Variants in SNX29 observed in about 807,000 individuals in gnomAD.
SNX29 encodes the protein sorting nexin 29.
Under a neutral mutation model 102.1 loss-of-function variants are expected in SNX29, and 78 were observed. The ratio of observed to expected loss-of-function variants is 0.76; its 90% CI spans 0.64 to 0.92. The LOEUF is 0.92. Ranked by LOEUF, SNX29 falls within the 40% of genes least tolerant of loss-of-function variation. The pLI is 0.00. For synonymous variants in SNX29, 580 were observed against 414.5 expected, an observed-to-expected ratio of 1.40 and a Z score of -4.85; for missense variants, 1,280 against 1,061.7, an observed-to-expected ratio of 1.21 and a Z score of -2.86.
intron 14 of SNX29, among the ~76,000 whole-genome samples, chr16:12,205,724 T>G (rs753604953): frequency 6.6e-6 from 1 of 152,350 alleles, no homozygotes; most frequent in African/African-American, 2.4e-5. Flanking sequence ...CGACTTTTCA[T>G]CACAGCACTT....
chr16:12,431,848 C>G (rs2085330005), intron 18 of SNX29, among the ~76,000 whole-genome samples: 1 of 152,286 alleles, frequency 6.6e-6, no homozygotes, highest in Middle Eastern at 3.4e-3. Context: ...AAGTCTTGTT[C>G]CTTCATTCAT....
chr16:12,427,760 C>G (rs2085140935), intron 18 of SNX29, among the ~76,000 whole-genome samples: 2 of 152,202 alleles, frequency 1.3e-5, no homozygotes, highest in African/African-American at 4.8e-5. Flanking sequence ...TCAGGATTCT[C>G]TATGTTGGCT....
At chr16:12,067,474 A>C (rs1390445615) in intron 9 of SNX29, among the ~76,000 whole-genome samples, 1 of 152,060 alleles carries the variant, frequency 6.6e-6, no homozygotes, top group Non-Finnish European at 1.5e-5. Flanking sequence ...GTGGTCATTC[A>C]CTAATAAGTT....
At chr16:12,552,529 T>A (rs147931474) in intron 20 of SNX29, among the ~76,000 whole-genome samples, 1 of 152,308 alleles carries the variant, frequency 6.6e-6, no homozygotes, top group Non-Finnish European at 1.5e-5. Flanking sequence ...GGCCTTCATT[T>A]CTCAGTGATG....
intron 19 of SNX29, among the ~76,000 whole-genome samples, chr16:12,496,707 C>G (rs958423971): frequency 6.6e-6 from 1 of 152,034 alleles, no homozygotes; most frequent in African/African-American, 2.4e-5. Flanking sequence ...GACAGGGTTT[C>G]ACCATGTTGG....
At chr16:12,541,336 A>G (rs2077329950) in intron 20 of SNX29, among the ~76,000 whole-genome samples, 1 of 152,138 alleles carries the variant, frequency 6.6e-6, no homozygotes, top group Non-Finnish European at 1.5e-5. Flanking sequence ...GAGTGCCAGA[A>G]TTACCTTCTT....
rs754960732 is a variant in SNX29 at position 12,571,150 on chromosome 16, C to T, written c.*2521C>T. ...CAATGATTGGGTCCATCTTGCTGCTCAGAAGAATCCCGTCCTGCTCTCTAG... is the reference window on the plus strand; with the variant it reads ...CAATGATTGGGTCCATCTTGCTGCTTAGAAGAATCCCGTCCTGCTCTCTAG... On this transcript the variant is annotated 3_prime_UTR_variant, in exon 21 of 21. Transcript: ENST00000566228. 54 of 230,758 alleles carry T rather than the reference C, an allele frequency of 2.3e-4. 1 individual carries two copies. The Admixed American group carries it at 2.9e-3, about 12-fold the overall frequency. 14.3% of individuals were successfully genotyped at this position (230,758 alleles called of 1,614,324 possible). A position where few individuals can be genotyped will look rare whatever the true frequency, so the allele number is the denominator to read the frequency against.
chr16:12,431,398 C>A (rs1310032511), intron 18 of SNX29, among the ~76,000 whole-genome samples: 1 of 148,500 alleles, frequency 6.7e-6, no homozygotes, highest in African/African-American at 2.5e-5. Flanking sequence ...TTTGCTTTTT[C>A]ATTTAGGGGC....
At chr16:12,135,645 C>G (rs2054633598) in intron 13 of SNX29, 2 of 1,314,746 alleles carry the variant, frequency 1.5e-6, no homozygotes, top group South Asian at 1.2e-5. Context: ...TCCTGATAGT[C>G]TCATTTGAGC....
intron 14 of SNX29, among the ~76,000 whole-genome samples, chr16:12,263,458 T>C (rs1472391070): frequency 1.3e-5 from 2 of 152,130 alleles, no homozygotes; most frequent in African/African-American, 4.8e-5. Flanking sequence ...ATGGACCCGA[T>C]GAGAGAGAAT....
At chr16:12,021,267 T>C (rs1186401374) in intron 3 of SNX29, among the ~76,000 whole-genome samples, 2 of 151,792 alleles carry the variant, frequency 1.3e-5, no homozygotes, top group African/African-American at 4.8e-5. Context: ...CTACAAAAAA[T>C]ATAAAAATAT....
chr16:12,536,755 A>G (rs1282241185), intron 20 of SNX29, among the ~76,000 whole-genome samples: 1 of 152,178 alleles, frequency 6.6e-6, no homozygotes. Flanking sequence ...AGGCAGGCGG[A>G]TCAGGAGGCC....
intron 20 of SNX29, among the ~76,000 whole-genome samples, chr16:12,562,337 C>T (rs143538064): frequency 6.6e-6 from 1 of 152,048 alleles, no homozygotes; most frequent in East Asian, 1.9e-4. Context: ...AGGGCAGATT[C>T]TGTGATTTCC....
chr16:12,041,157 G>T (rs1280048560), intron 4 of SNX29, among the ~76,000 whole-genome samples: 1 of 151,908 alleles, frequency 6.6e-6, no homozygotes, highest in African/African-American at 2.4e-5. Flanking sequence ...TGTCGCCCAG[G>T]CTGGAGTACA....
chr16:12,341,478 G>C (rs796485471), intron 15 of SNX29, among the ~76,000 whole-genome samples: 4 of 152,344 alleles, frequency 2.6e-5, no homozygotes, highest in African/African-American at 7.2e-5. Flanking sequence ...GAATAGGATT[G>C]GTTCTGCCAC....
At chr16:12,499,738 A>G (rs1380489820) in intron 19 of SNX29, among the ~76,000 whole-genome samples, 2 of 152,198 alleles carry the variant, frequency 1.3e-5, no homozygotes, top group Non-Finnish European at 2.9e-5. Context: ...CGGTGGCACA[A>G]TCACGGCTCA....
intron 4 of SNX29, among the ~76,000 whole-genome samples, chr16:12,040,307 C>T (rs375071972): frequency 1.6e-4 from 24 of 152,082 alleles, no homozygotes; most frequent in South Asian, 1.2e-3. Flanking sequence ...GAGCCCAGGA[C>T]GTTGAGGCTG....
At chr16:12,177,243 T>C (rs1170063025) in intron 13 of SNX29, among the ~76,000 whole-genome samples, 2 of 152,190 alleles carry the variant, frequency 1.3e-5, no homozygotes, top group Non-Finnish European at 2.9e-5. Context: ...TGAGCCACCA[T>C]GCCTGGCTGA....
At chr16:12,556,411 C>T (rs553767083) in intron 20 of SNX29, 2 of 152,262 alleles carry the variant, frequency 1.3e-5, no homozygotes, top group African/African-American at 2.4e-5. Context: ...GAAGATGACA[C>T]TTCAGATGGC....
Sources: gnomAD v4.1 joint callset for allele counts (sites outside exome capture counted in the v4.1 genomes callset) on GRCh38, gnomAD v4.1.1 for gene constraint, MANE v1.5 for transcripts, NCBI Gene and HGNC (gene_info 2026-07-23, HGNC 2026-07-21) for gene names.